GABRB1: variants seen among roughly 807,000 people sequenced by gnomAD.
GABRB1 encodes gamma-aminobutyric acid receptor subunit beta-1.
In GABRB1, 17 loss-of-function variants were observed where a neutral mutation model predicts 51.6. The ratio of observed to expected loss-of-function variants is 0.33; its 90% confidence interval spans 0.23 to 0.49. The LOEUF is 0.49. Ranked by LOEUF, GABRB1 falls within the 20% of genes least tolerant of loss-of-function variation. The pLI is 0.99. For synonymous variants in GABRB1, 247 were observed against 218.9 expected, an observed-to-expected ratio of 1.13 and a Z score of -1.14; for missense variants, 410 against 600.6, an observed-to-expected ratio of 0.68 and a Z score of 3.32.
At chr4:47,155,233 C>T (rs566604428) in intron 3 of GABRB1, among the ~76,000 whole-genome samples, 1 of 152,164 alleles carries the variant, frequency 6.6e-6, no homozygotes, top group African/African-American at 2.4e-5. Context: ...CAGCTCTACT[C>T]TAATAGGCTT....
chr4:47,395,112 A>G (rs1193565949), intron 5 of GABRB1, among the ~76,000 whole-genome samples: 1 of 152,196 alleles, frequency 6.6e-6, no homozygotes, highest in Admixed American at 6.5e-5. Flanking sequence ...CCATGGGATA[A>G]TGAGAATTTG....
At chr4:47,292,355 G>A (rs1337434511) in intron 4 of GABRB1, among the ~76,000 whole-genome samples, 1 of 152,142 alleles carries the variant, frequency 6.6e-6, no homozygotes, top group East Asian at 1.9e-4. Context: ...TATCAGCAGT[G>A]TGAAAATGAA....
At chr4:46,997,368 A>G (rs1320579257) in intron 1 of GABRB1, among the ~76,000 whole-genome samples, 2 of 151,376 alleles carry the variant, frequency 1.3e-5, no homozygotes, top group Middle Eastern at 3.2e-3. Flanking sequence ...GCAATGAAAT[A>G]TTATTAACTG....
intron 5 of GABRB1, among the ~76,000 whole-genome samples, chr4:47,350,502 T>C (rs1726289246): frequency 6.6e-6 from 1 of 151,906 alleles, no homozygotes; most frequent in Non-Finnish European, 1.5e-5. Flanking sequence ...TTGCTTCATC[T>C]ATAAAATAGG....
At chr4:47,192,786 G>A (rs1184824689) in intron 4 of GABRB1, among the ~76,000 whole-genome samples, 1 of 152,184 alleles carries the variant, frequency 6.6e-6, no homozygotes, top group Non-Finnish European at 1.5e-5. Context: ...AAGTGACTGT[G>A]TGAATATTAA....
intron 4 of GABRB1, among the ~76,000 whole-genome samples, chr4:47,172,911 G>C (rs559547665): frequency 2.0e-5 from 3 of 152,104 alleles, no homozygotes; most frequent in African/African-American, 7.2e-5. Context: ...CAAAGTGCAG[G>C]TTTATCTTTT....
rs141111925 is a variant in GABRB1 at position 47,402,316 on chromosome 4, T to C, written c.545-1002T>C. Among the ~76,000 whole-genome samples, 353 of 152,296 alleles carry C rather than the reference T, an allele frequency of 2.3e-3. 2 individuals carry two copies. The highest frequency in any genetic ancestry group is 4.4e-3 in the Non-Finnish European group (301 of 68,018). On this transcript the variant is annotated intron_variant, in intron 5 of 8. Transcript: ENST00000295454. The stretch of plus-strand genomic sequence containing the variant: ...TGTCCACTACAAAAAGCTTATGTGG[T>C]TACCTTTGAAACACTAGCCCCTGCA...
At chr4:47,179,670 G>A (rs10805152) in intron 4 of GABRB1, among the ~76,000 whole-genome samples, 130,884 of 152,062 alleles carry the variant, frequency 0.86, 56,344 homozygotes, top group Middle Eastern at 0.92. Flanking sequence ...GTAGACAACA[G>A]TGCTCAGTTA....
Position 47,068,396 on chromosome 4 carries a change from C to T in GABRB1, c.240+35912C>T, listed in dbSNP as rs148115988. On this transcript the variant is annotated intron_variant, in intron 3 of 8. Coordinates refer to ENST00000295454, the MANE Select transcript of GABRB1 (RefSeq NM_000812.4). ...TTGGCTAACTCTTTGGTGCAAGAGA[C>T]CAATTTTCAGCCTATCTGGGCTTTC... 3.6e-3 allele frequency among the ~76,000 whole-genome samples: 547 copies of T among 152,288 alleles called. 5 individuals carry two copies. The highest frequency in any genetic ancestry group is 6.3e-3 in the Non-Finnish European group (430 of 68,032).
chr4:47,251,555 G>A (rs1721989480), intron 4 of GABRB1, among the ~76,000 whole-genome samples: 1 of 152,148 alleles, frequency 6.6e-6, no homozygotes, highest in Non-Finnish European at 1.5e-5. Flanking sequence ...GGGTAGGGAA[G>A]GACCATCAGG....
chr4:47,396,351 CCACAACATGAAG>C (rs1728180978), intron 5 of GABRB1, among the ~76,000 whole-genome samples: 1 of 152,088 alleles, frequency 6.6e-6, no homozygotes, highest in African/African-American at 2.4e-5. Flanking sequence ...CAGGTCCCTC[CCACAACATGAAG>C]CAATTATGGG....
intron 3 of GABRB1, chr4:47,032,945 C>G (rs1725397647): frequency 2.8e-6 from 1 of 352,480 alleles, no homozygotes; most frequent in Non-Finnish European, 5.6e-6. Context: ...GCCCTGCCAC[C>G]GAGAGCACAG....
intron 4 of GABRB1, among the ~76,000 whole-genome samples, chr4:47,208,825 C>A (rs777220126): frequency 1.3e-5 from 2 of 152,020 alleles, no homozygotes; most frequent in Non-Finnish European, 2.9e-5. Flanking sequence ...ATAGTTGGGT[C>A]CATCTGAGAA....
chr4:47,309,316 A>G (rs1182045242), intron 4 of GABRB1, among the ~76,000 whole-genome samples: 1 of 151,766 alleles, frequency 6.6e-6, no homozygotes, highest in Non-Finnish European at 1.5e-5. Flanking sequence ...TGCTTTTCAT[A>G]TTTATAAAGT....
intron 8 of GABRB1, among the ~76,000 whole-genome samples, chr4:47,416,205 C>T (rs1728911091): frequency 6.6e-6 from 1 of 152,132 alleles, no homozygotes; most frequent in Non-Finnish European, 1.5e-5. Flanking sequence ...GCAAGAGAAA[C>T]ATAGCAGGTG....
chr4:47,082,422 A>G (rs190226285), intron 3 of GABRB1, among the ~76,000 whole-genome samples: 1 of 152,250 alleles, frequency 6.6e-6, no homozygotes, highest in Admixed American at 6.5e-5. Context: ...GGCCCTAAAA[A>G]TTGTACTAGC....
intron 7 of GABRB1, among the ~76,000 whole-genome samples, chr4:47,404,607 G>C (rs527870048): frequency 1.8e-4 from 28 of 151,798 alleles, no homozygotes; most frequent in African/African-American, 6.5e-4. Flanking sequence ...CAGCATACCC[G>C]TTCACAGCTA....
At chr4:47,295,963 T>C (rs981807711) in intron 4 of GABRB1, among the ~76,000 whole-genome samples, 3 of 152,028 alleles carry the variant, frequency 2.0e-5, no homozygotes, top group Admixed American at 1.3e-4. Context: ...TCAACATTCT[T>C]AAAGAAAAGA....
chr4:47,261,635 T>C (rs1230991276), intron 4 of GABRB1, among the ~76,000 whole-genome samples: 1 of 151,968 alleles, frequency 6.6e-6, no homozygotes, highest in African/African-American at 2.4e-5. Context: ...ATTTATAGAT[T>C]CAATGCCATC....
Sources: gnomAD v4.1 joint callset for allele counts (sites outside exome capture counted in the v4.1 genomes callset) on GRCh38, gnomAD v4.1.1 for gene constraint, MANE v1.5 for transcripts, NCBI Gene and HGNC (gene_info 2026-07-23, HGNC 2026-07-21) for gene names.